The following INSYN2B variants were observed in gnomAD, a reference collection of about 807,000 sequenced individuals.
The protein encoded by INSYN2B is protein INSYN2B.
INSYN2B carries 16 observed loss-of-function variants against 41.2 expected under a neutral mutation model. That is an observed-to-expected ratio of 0.39 (90% confidence interval 0.26 to 0.59). The LOEUF (loss-of-function observed/expected upper bound fraction) is 0.59, where lower values mean the gene tolerates loss of function less well. Among genes scored for constraint, INSYN2B ranks in the 20% least tolerant of loss-of-function variants. INSYN2B has a pLI of 0.57. For synonymous variants in INSYN2B, 245 were observed against 244.4 expected (o/e 1.00, Z -0.02); for missense variants, 608 against 646.4 (o/e 0.94, Z 0.64).
chr5:169,954,767 C>T (rs185418431), intron 1 of INSYN2B, among the ~76,000 whole-genome samples: 1 of 152,268 alleles, frequency 6.6e-6, no homozygotes, highest in African/African-American at 2.4e-5. Flanking sequence ...GCTCTCAAAA[C>T]CCAGGGGAGT....
intron 1 of INSYN2B, among the ~76,000 whole-genome samples, chr5:169,910,808 T>G (rs1774553866): frequency 6.6e-6 from 1 of 152,180 alleles, no homozygotes; most frequent in Non-Finnish European, 1.5e-5. Flanking sequence ...CCCTTCTGCT[T>G]CTGGTGAGGT....
chr5:169,954,004 A>G (rs574984908), intron 1 of INSYN2B, among the ~76,000 whole-genome samples: 1 of 152,366 alleles, frequency 6.6e-6, no homozygotes, highest in East Asian at 1.9e-4. Flanking sequence ...ATTTATAAAT[A>G]TGAGTGCATA....
At chr5:169,946,270 C>A (rs927396019) in intron 1 of INSYN2B, among the ~76,000 whole-genome samples, 1 of 152,180 alleles carries the variant, frequency 6.6e-6, no homozygotes, top group Admixed American at 6.5e-5. Context: ...TTCCAGCCCC[C>A]CACATCCAGC....
intron 1 of INSYN2B, among the ~76,000 whole-genome samples, chr5:169,888,668 G>A (rs1368735787): frequency 6.6e-6 from 1 of 152,204 alleles, no homozygotes; most frequent in Admixed American, 6.5e-5. Context: ...CTACGTAGAT[G>A]AGACTCTTCC....
intron 3 of INSYN2B, among the ~76,000 whole-genome samples, chr5:169,870,601 TA>T (rs1771897928): frequency 6.6e-6 from 1 of 152,152 alleles, no homozygotes; most frequent in South Asian, 2.1e-4. Context: ...TTTGATTTTT[TA>T]AAATTTTATT....
intron 1 of INSYN2B, among the ~76,000 whole-genome samples, chr5:169,954,362 A>T (rs1407461159): frequency 6.6e-6 from 1 of 152,248 alleles, no homozygotes; most frequent in Non-Finnish European, 1.5e-5. Context: ...ATAACATTCC[A>T]TTATGTAGAC....
intron 1 of INSYN2B, among the ~76,000 whole-genome samples, chr5:169,905,498 C>G (rs779912176): frequency 7.2e-5 from 11 of 152,156 alleles, no homozygotes; most frequent in Non-Finnish European, 1.3e-4. Context: ...TCGAGGCTGC[C>G]AGGCAGAGTA....
At chr5:169,947,004 C>T (rs865818501) in intron 1 of INSYN2B, among the ~76,000 whole-genome samples, 3 of 152,168 alleles carry the variant, frequency 2.0e-5, no homozygotes, top group Non-Finnish European at 4.4e-5. Flanking sequence ...GAGAGGAGCG[C>T]TGAGTATACC....
At chr5:169,935,601 G>A (rs191792037) in intron 1 of INSYN2B, among the ~76,000 whole-genome samples, 24 of 152,270 alleles carry the variant, frequency 1.6e-4, no homozygotes, top group Admixed American at 1.5e-3. Context: ...GTTTTATCAC[G>A]TCCTACCTAC....
chr5:169,878,102 T>C (rs1321860509), intron 3 of INSYN2B, among the ~76,000 whole-genome samples: 3 of 152,210 alleles, frequency 2.0e-5, no homozygotes, highest in Non-Finnish European at 4.4e-5. Flanking sequence ...CTGCTGACTA[T>C]TTTTAGCATA....
Position 169,919,687 on chromosome 5 carries a change from T to G in INSYN2B, c.-918-34871A>C, listed in dbSNP as rs546887370. Among the ~76,000 whole-genome samples, 46 of 152,166 alleles carry G rather than the reference T, an allele frequency of 3.0e-4. 1 individual carries two copies. The highest frequency in any genetic ancestry group is 4.4e-4 in the Non-Finnish European group (30 of 68,034). ...TTGGTTTGTGTCATTGCCTTTCCTT[T>G]GGTAAGCAGTGCACTCATGGCCTTT... On this transcript the variant is annotated intron_variant, in intron 1 of 3. Coordinates refer to ENST00000377365, the MANE Select transcript of INSYN2B (RefSeq NM_001129891.3).
At chr5:169,871,790 T>G (rs557418332) in intron 3 of INSYN2B, among the ~76,000 whole-genome samples, 27 of 152,270 alleles carry the variant, frequency 1.8e-4, no homozygotes, top group African/African-American at 5.5e-4. Context: ...AGGGCTGGGG[T>G]GCATGGGGGA....
intron 1 of INSYN2B, among the ~76,000 whole-genome samples, chr5:169,910,674 C>T (rs1774545925): frequency 6.6e-6 from 1 of 152,176 alleles, no homozygotes; most frequent in Admixed American, 6.5e-5. Context: ...CCCAAAATGA[C>T]CTGTTACATC....
chr5:169,923,901 G>A (rs996345468), intron 1 of INSYN2B, among the ~76,000 whole-genome samples: 1 of 152,152 alleles, frequency 6.6e-6, no homozygotes, highest in African/African-American at 2.4e-5. Flanking sequence ...GAAGTTTTGT[G>A]GGATAAGCAA....
chr5:169,962,633 A>G (rs757668669), intron 1 of INSYN2B, among the ~76,000 whole-genome samples: 4 of 152,212 alleles, frequency 2.6e-5, no homozygotes, highest in African/African-American at 7.2e-5. Context: ...AGGTTAGACA[A>G]GATCCCTAAC....
intron 1 of INSYN2B, among the ~76,000 whole-genome samples, chr5:169,976,531 C>T (rs1279055623): frequency 1.3e-5 from 2 of 152,076 alleles, no homozygotes; most frequent in South Asian, 4.2e-4. Flanking sequence ...TTCCACTTCC[C>T]CTTGTGATTA....
intron 1 of INSYN2B, among the ~76,000 whole-genome samples, chr5:169,929,881 T>C (rs188081368): frequency 1.8e-3 from 274 of 152,266 alleles, no homozygotes; most frequent in African/African-American, 6.3e-3. Flanking sequence ...TGCTCCAATA[T>C]GGTAGCCACT....
intron 1 of INSYN2B, among the ~76,000 whole-genome samples, chr5:169,916,192 T>C (rs1266223974): frequency 6.6e-6 from 1 of 152,204 alleles, no homozygotes; most frequent in Non-Finnish European, 1.5e-5. Flanking sequence ...ATAGAGTCTT[T>C]TAAGAGTGTG....
intron 1 of INSYN2B, among the ~76,000 whole-genome samples, chr5:169,888,507 CAG>C (rs1380480065): frequency 1.3e-5 from 2 of 152,324 alleles, no homozygotes; most frequent in East Asian, 3.9e-4. Context: ...CTCATGGAAT[CAG>C]TGTCCATTCA....
Sources: allele counts gnomAD v4.1 joint callset (sites outside exome capture counted in the v4.1 genomes callset), GRCh38; gene constraint gnomAD v4.1.1; transcripts MANE v1.5; gene names NCBI Gene and HGNC (gene_info 2026-07-23, HGNC 2026-07-21).